Variants in NTN1 observed in about 807,000 individuals in gnomAD.
The protein encoded by NTN1 is netrin-1.
In NTN1, 11 loss-of-function variants were observed where a neutral mutation model predicts 54.2. The ratio of observed to expected loss-of-function variants is 0.20; its 90% CI spans 0.13 to 0.34. NTN1 has a LOEUF of 0.34. NTN1 is among the 10% of genes least tolerant of loss of function. The pLI is 1.00. For missense variants in NTN1, 740 were observed against 893.1 expected (o/e 0.83, Z 2.18); for synonymous variants, 371 against 382.0 (o/e 0.97, Z 0.33).
chr17:9,204,577 G>A (rs1250629162), intron 5 of NTN1, among the ~76,000 whole-genome samples: 1 of 152,206 alleles, frequency 6.6e-6, no homozygotes, highest in African/African-American at 2.4e-5. Flanking sequence ...TTACAGGCGT[G>A]AGCCAAGCAA....
intron 5 of NTN1, among the ~76,000 whole-genome samples, chr17:9,185,570 T>C (rs1196189802): frequency 6.6e-6 from 1 of 151,112 alleles, no homozygotes; most frequent in African/African-American, 2.4e-5. Context: ...GGCAGGGAGG[T>C]GAGGAACGTA....
intron 3 of NTN1, 118 bp downstream of exon 3, chr17:9,163,119 G>A (rs2092362841): frequency 1.1e-6 from 1 of 924,796 alleles, no homozygotes; most frequent in Admixed American, 2.6e-5. Flanking sequence ...CGTTGTCTGA[G>A]GTCATCTCTC....
At chr17:9,058,369 A>G (rs1225419767) in intron 2 of NTN1, among the ~76,000 whole-genome samples, 1 of 152,146 alleles carries the variant, frequency 6.6e-6, no homozygotes, top group African/African-American at 2.4e-5. Context: ...CTCAAACATC[A>G]TCTAGGCCTT....
chr17:9,052,379 C>T (rs1377639149), intron 2 of NTN1, among the ~76,000 whole-genome samples: 1 of 152,158 alleles, frequency 6.6e-6, no homozygotes, highest in African/African-American at 2.4e-5. Context: ...CCGGCAGGTC[C>T]ACCTCTCAGT....
chr17:9,130,299 G>A (rs1375728849), intron 2 of NTN1, among the ~76,000 whole-genome samples: 1 of 152,096 alleles, frequency 6.6e-6, no homozygotes, highest in Non-Finnish European at 1.5e-5. Flanking sequence ...CTGCTCCTCC[G>A]CTGTCAGGTG....
intron 2 of NTN1, among the ~76,000 whole-genome samples, chr17:9,157,139 G>A (rs1453551005): frequency 6.6e-6 from 1 of 152,086 alleles, no homozygotes; most frequent in Non-Finnish European, 1.5e-5. Context: ...GGCTTTCTGT[G>A]GGCTGGAGGA....
chr17:9,086,854 A>G (rs2092091639), intron 2 of NTN1, among the ~76,000 whole-genome samples: 1 of 151,966 alleles, frequency 6.6e-6, no homozygotes, highest in South Asian at 2.1e-4. Flanking sequence ...TATTGTCACC[A>G]TCATCATCAC....
At chr17:9,043,670 G>A (rs956998656) in intron 2 of NTN1, among the ~76,000 whole-genome samples, 7 of 151,160 alleles carry the variant, frequency 4.6e-5, no homozygotes, top group East Asian at 1.9e-4. Flanking sequence ...TCCACCTCCC[G>A]GGTTCAAGCA....
In NTN1 at chr17:9,219,214, T is replaced by G. The variant is rs879570687; in HGVS notation, c.1412-1954T>G. Among the ~76,000 whole-genome samples the G allele has an allele frequency of 1.3e-5, 2 of 152,152 alleles. No homozygotes were observed. Among genetic ancestry groups the G allele is most frequent in the Non-Finnish European group, 2.9e-5 (2 of 68,024 alleles). ...TGATGGCGCCGTTGACTTGAGTGTT[T>G]GGGCTGCCGTCACTTTCATCCCAAC... On this transcript the variant is annotated intron_variant, in intron 5 of 6. Coordinates refer to ENST00000173229, the MANE Select transcript of NTN1 (RefSeq NM_004822.3). This position sits in a 1 kb window ranked among gnomAD's most constrained non-coding sequence, Gnocchi z 4.5.
intron 2 of NTN1, among the ~76,000 whole-genome samples, chr17:9,052,164 G>A (rs1235458961): frequency 6.6e-6 from 1 of 152,062 alleles, no homozygotes; most frequent in African/African-American, 2.4e-5. Flanking sequence ...TAGAGATGGG[G>A]TTCTCCATGT....
intron 2 of NTN1, among the ~76,000 whole-genome samples, chr17:9,091,701 C>T (rs888368603): frequency 3.0e-4 from 46 of 152,032 alleles, no homozygotes; most frequent in South Asian, 2.1e-3. Flanking sequence ...GATCTGCCTG[C>T]CTCGGCCTCC....
At chr17:9,003,435 C>T in the NTN1 span, among the ~76,000 whole-genome samples, 2 of 151,350 alleles carry the variant, frequency 1.3e-5, no homozygotes, top group African/African-American at 4.8e-5. This position sits in a 1 kb window ranked among gnomAD's most constrained non-coding sequence, Gnocchi z 7.4. Flanking sequence ...GCACTTGGCG[C>T]GCTCTGGCCG....
chr17:9,231,359 G>C (rs971129010), intron 6 of NTN1, among the ~76,000 whole-genome samples: 3 of 152,174 alleles, frequency 2.0e-5, no homozygotes, highest in Admixed American at 6.5e-5. Context: ...TGCAAGCCCT[G>C]ACCCCTGAGT....
rs1906175544 is a variant in NTN1, at chr17:9,240,523, G to C, written c.*555G>C. Reference sequence around the variant, plus strand: ...CGGCCCCTTCTAGCAGTTCCCCGCGGGCCACCTGGCTGTCACAGCCTGGAC... The same window carrying C: ...CGGCCCCTTCTAGCAGTTCCCCGCGCGCCACCTGGCTGTCACAGCCTGGAC... On this transcript the variant is annotated 3_prime_UTR_variant, in exon 7 of 7. Transcript: ENST00000173229. 2 of 152,340 alleles carry C rather than the reference G, an allele frequency of 1.3e-5. No individual in the cohort carries two copies. The allele number at this position is 152,340 out of a possible 1,614,324, so 9.4% of individuals were successfully genotyped here. A position where few individuals can be genotyped will look rare whatever the true frequency, so the allele number is the denominator to read the frequency against.
At chr17:9,073,744 G>A (rs748480076) in intron 2 of NTN1, among the ~76,000 whole-genome samples, 7 of 152,202 alleles carry the variant, frequency 4.6e-5, no homozygotes, top group Non-Finnish European at 8.8e-5. Flanking sequence ...CAGGTTGTGC[G>A]TTCCAGAGAC....
chr17:9,062,659 C>G (rs1204820115), intron 2 of NTN1, among the ~76,000 whole-genome samples: 1 of 152,166 alleles, frequency 6.6e-6, no homozygotes, highest in Non-Finnish European at 1.5e-5. Flanking sequence ...CAATCAGGCA[C>G]CTTGATTATT....
Position 9,221,316 on chromosome 17 carries a change from C to A in NTN1, c.1486+74C>A. On this transcript the variant is annotated intron_variant, in intron 6 of 6. Coordinates refer to ENST00000173229, the MANE Select transcript of NTN1 (RefSeq NM_004822.3). This position sits in a 1 kb window ranked among gnomAD's most constrained non-coding sequence, Gnocchi z 4.5. ...CCAGCGAGGTGCTGGGGCTGGGGTG[C>A]AGCTGGCCCCCGATGGGTGTTGGTC... 3 of 1,173,776 alleles carry A rather than the reference C, an allele frequency of 2.6e-6. No individual in the cohort carries two copies. Among genetic ancestry groups the A allele is most frequent in the Non-Finnish European group, 2.6e-6 (2 of 780,056 alleles). 72.7% of individuals were successfully genotyped at this position (1,173,776 alleles called of 1,614,324 possible). A position where few individuals can be genotyped will look rare whatever the true frequency, so the allele number is the denominator to read the frequency against.
At chr17:9,045,968 A>C (rs1017748340) in intron 2 of NTN1, among the ~76,000 whole-genome samples, 3 of 152,210 alleles carry the variant, frequency 2.0e-5, no homozygotes, top group Non-Finnish European at 4.4e-5. Context: ...TCATTAGCAA[A>C]CCCCTGGAGA....
the NTN1 span, among the ~76,000 whole-genome samples, chr17:9,003,439 C>T: frequency 6.6e-6 from 1 of 151,292 alleles, no homozygotes; most frequent in Non-Finnish European, 1.5e-5. This position sits in a 1 kb window ranked among gnomAD's most constrained non-coding sequence, Gnocchi z 7.4. Context: ...TTGGCGCGCT[C>T]TGGCCGCGGT....
Sources: gnomAD v4.1 joint callset for allele counts (sites outside exome capture counted in the v4.1 genomes callset) on GRCh38, gnomAD v4.1.1 for gene constraint, Gnocchi (gnomAD v3.1) non-coding constraint, MANE v1.5 for transcripts, NCBI Gene and HGNC (gene_info 2026-07-23, HGNC 2026-07-21) for gene names.